Variants in CNTNAP2 observed in about 807,000 individuals in gnomAD.
CNTNAP2 encodes the protein contactin associated protein 2, also known as contactin-associated protein-like 2.
CNTNAP2 carries 98 observed loss-of-function variants against 155.2 expected under a neutral mutation model. The ratio of observed to expected loss-of-function variants is 0.63; its 90% CI spans 0.54 to 0.75. The LOEUF is 0.75. Ranked by LOEUF, CNTNAP2 falls within the 30% of genes least tolerant of loss-of-function variation. The pLI is 0.00. For synonymous variants in CNTNAP2, 651 were observed against 631.2 expected, an observed-to-expected ratio of 1.03 and a Z score of -0.47; for missense variants, 1,727 against 1,688.1, an observed-to-expected ratio of 1.02 and a Z score of -0.40.
At chr7:147,141,400 A>T (rs193026322) in intron 8 of CNTNAP2, among the ~76,000 whole-genome samples, 10 of 152,264 alleles carry the variant, frequency 6.6e-5, no homozygotes, top group Non-Finnish European at 1.2e-4. Context: ...TGGACTCTGG[A>T]GCCAGATTGC....
intron 1 of CNTNAP2, among the ~76,000 whole-genome samples, chr7:146,305,147 T>C (rs60473720): frequency 0.085 from 13,000 of 152,130 alleles, 1,578 homozygotes; most frequent in African/African-American, 0.27. Context: ...TTCTCTACAC[T>C]GTTTATTCTA....
At chr7:147,073,076 TCTC>T (rs1266556785) in intron 4 of CNTNAP2, among the ~76,000 whole-genome samples, 13 of 150,640 alleles carry the variant, frequency 8.6e-5, no homozygotes, top group Admixed American at 8.6e-4. Context: ...ATGGTCTCGA[TCTC>T]CTGACCTCAT....
At chr7:147,027,420 A>G (rs1798943989) in intron 3 of CNTNAP2, among the ~76,000 whole-genome samples, 1 of 152,262 alleles carries the variant, frequency 6.6e-6, no homozygotes. Context: ...TATAACAAAC[A>G]TATTGCTTCA....
intron 1 of CNTNAP2, among the ~76,000 whole-genome samples, chr7:146,555,371 T>C (rs1461069792): frequency 6.6e-6 from 1 of 151,594 alleles, no homozygotes; most frequent in Admixed American, 6.5e-5. Context: ...TCTAATCTTT[T>C]ATTCTATCCA....
chr7:146,562,152 T>A (rs1432059539), intron 1 of CNTNAP2, among the ~76,000 whole-genome samples: 1 of 152,172 alleles, frequency 6.6e-6, no homozygotes, highest in Non-Finnish European at 1.5e-5. Flanking sequence ...CACTGACCAC[T>A]TAAACAGATG....
In CNTNAP2 at chr7:146,233,928, G is replaced by A. The variant is rs566803930; in HGVS notation, c.97+116955G>A. 2.7e-3 allele frequency among the ~76,000 whole-genome samples: 403 copies of A among 150,576 alleles called. 3 individuals are homozygous for A. Among genetic ancestry groups the A allele is most frequent in the African/African-American group, 9.5e-3 (391 of 41,046 alleles). The stretch of plus-strand genomic sequence containing the variant: ...GTGAATAGTGCTGCAATAAACATAC[G>A]TGTGCATGTGTCTTTATAGCAGCAT... On this transcript the variant is annotated intron_variant, in intron 1 of 23. Coordinates refer to ENST00000361727, the MANE Select transcript of CNTNAP2 (RefSeq NM_014141.6).
chr7:146,512,466 A>G (rs1043049463), intron 1 of CNTNAP2, among the ~76,000 whole-genome samples: 7 of 148,126 alleles, frequency 4.7e-5, no homozygotes, highest in African/African-American at 1.7e-4. Context: ...GCTGTATCCC[A>G]TAGGTTTTGG....
intron 4 of CNTNAP2, among the ~76,000 whole-genome samples, chr7:147,100,140 G>T (rs2129277282): frequency 6.6e-6 from 1 of 152,198 alleles, no homozygotes; most frequent in East Asian, 1.9e-4. Context: ...ATGTGTATGG[G>T]GGGTGTATGT....
chr7:146,679,753 G>A (rs7802162), intron 1 of CNTNAP2, among the ~76,000 whole-genome samples: 16,557 of 150,890 alleles, frequency 0.11, 1,486 homozygotes, highest in African/African-American at 0.25. Flanking sequence ...CTTTCCCTTC[G>A]TTTCTTCTTT....
intron 1 of CNTNAP2, among the ~76,000 whole-genome samples, chr7:146,735,345 G>A (rs1189309632): frequency 6.6e-6 from 1 of 152,294 alleles, no homozygotes; most frequent in South Asian, 2.1e-4. Flanking sequence ...GAGGTCAGGA[G>A]ATCGAGACCA....
chr7:146,271,458 G>C (rs1800081481), intron 1 of CNTNAP2, among the ~76,000 whole-genome samples: 1 of 151,688 alleles, frequency 6.6e-6, no homozygotes, highest in South Asian at 2.1e-4. Flanking sequence ...TAACTCCTTA[G>C]CTTCAAAGTC....
chr7:147,169,658 G>A (rs1441873218), intron 8 of CNTNAP2, among the ~76,000 whole-genome samples: 5 of 151,888 alleles, frequency 3.3e-5, no homozygotes, highest in African/African-American at 9.7e-5. Flanking sequence ...AAGGAAGGGA[G>A]GGAGGGAGGG....
intron 1 of CNTNAP2, among the ~76,000 whole-genome samples, chr7:146,494,727 C>T (rs897060567): frequency 4.6e-5 from 7 of 152,164 alleles, no homozygotes; most frequent in East Asian, 1.9e-4. Flanking sequence ...TGTTATACTG[C>T]AATGCATTTT....
intron 13 of CNTNAP2, among the ~76,000 whole-genome samples, chr7:147,749,381 A>AT (rs1005548752): frequency 1.3e-5 from 2 of 152,120 alleles, no homozygotes; most frequent in African/African-American, 4.8e-5. Context: ...TAAGTTTCCC[A>AT]TTTTTTACTT....
intron 10 of CNTNAP2, among the ~76,000 whole-genome samples, chr7:147,447,673 G>A (rs749280721): frequency 1.1e-4 from 17 of 152,062 alleles, no homozygotes; most frequent in Non-Finnish European, 2.4e-4. Context: ...GCCTGCCTTG[G>A]GCTCCCAAAG....
At chr7:146,151,429 A>G (rs1798035703) in intron 1 of CNTNAP2, among the ~76,000 whole-genome samples, 1 of 149,032 alleles carries the variant, frequency 6.7e-6, no homozygotes, top group South Asian at 2.1e-4. Context: ...CCACCATTCT[A>G]CTCTCTGCTT....
chr7:148,077,834 T>C (rs1040712056), intron 15 of CNTNAP2, among the ~76,000 whole-genome samples: 3 of 152,216 alleles, frequency 2.0e-5, no homozygotes, highest in Non-Finnish European at 4.4e-5. Context: ...TAGAAGTTGA[T>C]ATACACTATT....
rs189130179 is a variant in CNTNAP2, at chr7:146,522,621, A to G, written c.98-251650A>G. ...GATGATTTTCATATTACCCACAATT[A>G]AAGTTTGAAATTCCAGGAAAGCATT... On this transcript the variant is annotated intron_variant, in intron 1 of 23. Coordinates refer to ENST00000361727, the MANE Select transcript of CNTNAP2 (RefSeq NM_014141.6). 2.1e-3 allele frequency among the ~76,000 whole-genome samples: 318 copies of G among 152,124 alleles called. 2 individuals carry two copies. Among genetic ancestry groups the G allele is most frequent in the African/African-American group, 7.4e-3 (306 of 41,548 alleles).
chr7:146,749,765 G>A (rs929310915), intron 1 of CNTNAP2, among the ~76,000 whole-genome samples: 6 of 152,294 alleles, frequency 3.9e-5, no homozygotes, highest in Admixed American at 2.0e-4. Flanking sequence ...AAATATAGAA[G>A]ATGGATTTCA....
Sources: gnomAD v4.1 joint callset for allele counts (sites outside exome capture counted in the v4.1 genomes callset) on GRCh38, gnomAD v4.1.1 for gene constraint, MANE v1.5 for transcripts, NCBI Gene and HGNC (gene_info 2026-07-23, HGNC 2026-07-21) for gene names.